Variants in ZFR observed in about 807,000 individuals in gnomAD.
ZFR encodes zinc finger RNA-binding protein.
In ZFR, 19 loss-of-function variants were observed where a neutral mutation model predicts 130.7. The ratio of observed to expected loss-of-function variants is 0.15; its 90% CI spans 0.10 to 0.21. The LOEUF is 0.21. Ranked by LOEUF, ZFR falls within the 10% of genes least tolerant of loss-of-function variation. The probability of loss-of-function intolerance (pLI) is 1.00; values close to 1 mark genes in which losing one functional copy is unlikely to be tolerated. For missense variants in ZFR, 872 were observed against 1,321.5 expected (o/e 0.66, Z 5.27); for synonymous variants, 466 against 456.9 (o/e 1.02, Z -0.25).
chr5:32,375,519 A>T (rs538740849), intron 17 of ZFR, among the ~76,000 whole-genome samples: 1 of 151,790 alleles, frequency 6.6e-6, no homozygotes, highest in East Asian at 1.9e-4. Context: ...TGTCTCAAAG[A>T]AAAAAAAAGA....
chr5:32,368,186 T>C (rs551701062), intron 17 of ZFR, among the ~76,000 whole-genome samples: 43 of 152,050 alleles, frequency 2.8e-4, no homozygotes, highest in African/African-American at 1.0e-3. Flanking sequence ...CTGGTGGGAG[T>C]GTAAACCAGT....
intron 5 of ZFR, among the ~76,000 whole-genome samples, chr5:32,407,927 T>C (rs1753611536): frequency 6.6e-6 from 1 of 152,076 alleles, no homozygotes; most frequent in Non-Finnish European, 1.5e-5. Flanking sequence ...CACAGCCTTG[T>C]ATCTGTTTTC....
In ZFR at chr5:32,379,168, T is replaced by C. The variant is rs761008828; in HGVS notation, c.2782A>G (p.Ile928Val). The C allele has an allele frequency of 4.3e-6, 7 of 1,614,004 alleles. No individual in the cohort carries two copies. The South Asian group carries it at 6.6e-5, about 15-fold the overall frequency. Residue 928 changes from isoleucine (I) to valine (V), a missense_variant, in exon 17 of 20, where the codon ATT becomes GTT. Around this residue, in one of 7 missense-constraint regions of ZFR, gnomAD observed 158 missense variants for 264.0 expected, o/e 0.60. Transcript: ENST00000265069. Reference sequence around the variant, plus strand: ...ACTCGCTGACAGAGGTCTCGAAGAATGCGTATGATAATCACACAGGACTGC... The same window carrying C: ...ACTCGCTGACAGAGGTCTCGAAGAACGCGTATGATAATCACACAGGACTGC... ...GLQSCVIIIR[I>V]LRDLCQRVPT... is the part of the protein sequence containing the mutation.
At position 32,364,197 on chromosome 5, in the gene ZFR, A is replaced by C. The variant is rs1297407604; in HGVS notation, c.2914T>G (p.Phe972Val). The C allele has an allele frequency of 6.2e-7, 1 of 1,612,608 alleles. No homozygotes were observed. The highest frequency in any genetic ancestry group is 8.5e-7 in the Non-Finnish European group (1 of 1,178,812). ...QSPGDALRRV[F>V]ECISSGIILK... Reference sequence around the variant, plus strand: ...ATAATCCCTGAAGAAATGCATTCAAAAACTCTTCTCAGTGCATCCCCAGGG... The same window carrying C: ...ATAATCCCTGAAGAAATGCATTCAACAACTCTTCTCAGTGCATCCCCAGGG... Residue 972 changes from phenylalanine (F) to valine (V), a missense_variant, in exon 18 of 20, where the codon TTT (phenylalanine) becomes GTT (valine). Physicochemically the swap from Phe to Val is conservative, Grantham distance 50 (BLOSUM62 -1). This residue lies in a region of ZFR where 158 missense variants were observed against 264.0 expected (regional missense o/e 0.60). Coordinates refer to ENST00000265069, the MANE Select transcript of ZFR (RefSeq NM_016107.5).
At chr5:32,398,937 T>C (rs1391603492) in intron 9 of ZFR, among the ~76,000 whole-genome samples, 1 of 151,980 alleles carries the variant, frequency 6.6e-6, no homozygotes. Context: ...CATCCATAGA[T>C]AATTTTTCTT....
chr5:32,355,719 G>A lies in ZFR; in HGVS notation c.*41C>T, dbSNP rs758914535. On this transcript the variant is annotated 3_prime_UTR_variant, in exon 20 of 20. Coordinates refer to ENST00000265069, the MANE Select transcript of ZFR (RefSeq NM_016107.5). ...TATGAATGAAAAACAGCCAACAAAT[G>A]GGCATCTGTTTTTTTAACACTGAAG... The A allele has an allele frequency of 3.4e-6, 5 of 1,487,842 alleles. No homozygotes were observed. Among genetic ancestry groups the A allele is most frequent in the South Asian group, 1.4e-5 (1 of 72,934 alleles). 92.2% of individuals were successfully genotyped at this position (1,487,842 alleles called of 1,614,324 possible).
intron 11 of ZFR, among the ~76,000 whole-genome samples, chr5:32,392,210 G>A (rs893294385): frequency 8.5e-5 from 13 of 152,260 alleles, no homozygotes; most frequent in African/African-American, 2.6e-4. Flanking sequence ...TCAAATAAGG[G>A]CAGGGACCTT....
intron 17 of ZFR, among the ~76,000 whole-genome samples, chr5:32,377,160 A>AC (rs759472056): frequency 1.1e-4 from 2 of 17,614 alleles, no homozygotes; most frequent in Non-Finnish European, 2.4e-4. Flanking sequence ...CATCTGAAAA[A>AC]AAAAAAAAAA....
Position 32,373,079 on chromosome 5 carries a change from C to T in ZFR, c.2835+6036G>A, listed in dbSNP as rs888336052. On this transcript the variant is annotated intron_variant, in intron 17 of 19. Transcript: ENST00000265069. Reference sequence around the variant, plus strand: ...ATTATTTACCAAAACAAAAGTAACCCTCCTTCAACTGTGCAGAATATAAAA... The same window carrying T: ...ATTATTTACCAAAACAAAAGTAACCTTCCTTCAACTGTGCAGAATATAAAA... Among the ~76,000 whole-genome samples the T allele has an allele frequency of 5.3e-5, 8 of 152,156 alleles. No individual in the cohort carries two copies. In the East Asian group the frequency reaches 1.5e-3, roughly 29 times the overall value.
Position 32,406,978 on chromosome 5 carries a change from T to C in ZFR, c.828A>G (p.Ala276=), listed in dbSNP as rs1753592907. 4.4e-6 allele frequency: 7 copies of C among 1,580,278 alleles called. No homozygotes were observed. The highest frequency in any genetic ancestry group is 6.0e-6 in the Non-Finnish European group (7 of 1,169,918). Residue 276 remains alanine, a synonymous_variant, in exon 6 of 20, where the codon GCA becomes GCG. Coordinates refer to ENST00000265069, the MANE Select transcript of ZFR (RefSeq NM_016107.5). ...GCTGCTGCTGTTGATAGTAGGAAGATGCAGCTGAATACACTGCTGCTTCAT... is the reference window on the plus strand; with the variant it reads ...GCTGCTGCTGTTGATAGTAGGAAGACGCAGCTGAATACACTGCTGCTTCAT... The part of the protein sequence containing the change: ...SGYEAAVYSA[A]SSYYQQQQQQ...
intron 2 of ZFR, among the ~76,000 whole-genome samples, chr5:32,442,271 T>C (rs967293144): frequency 2.0e-5 from 3 of 152,206 alleles, no homozygotes; most frequent in Non-Finnish European, 2.9e-5. Context: ...TACTAGTAAT[T>C]GCCAGCAGAT....
intron 2 of ZFR, among the ~76,000 whole-genome samples, chr5:32,436,094 T>A (rs1314784370): frequency 6.6e-6 from 1 of 151,938 alleles, no homozygotes. Flanking sequence ...ACAGTATTTC[T>A]TTCTTTCCCT....
At chr5:32,427,907 T>A (rs1381900596) in intron 2 of ZFR, among the ~76,000 whole-genome samples, 1 of 152,052 alleles carries the variant, frequency 6.6e-6, no homozygotes, top group Non-Finnish European at 1.5e-5. Flanking sequence ...AAACTGGATA[T>A]CCACACGAAA....
chr5:32,382,965 C>T (rs1468843098), intron 15 of ZFR, among the ~76,000 whole-genome samples: 1 of 152,086 alleles, frequency 6.6e-6, no homozygotes, highest in African/African-American at 2.4e-5. Context: ...AAACAAAATG[C>T]TAATTCTTAT....
intron 17 of ZFR, among the ~76,000 whole-genome samples, chr5:32,377,760 C>G (rs1444282938): frequency 1.3e-5 from 2 of 152,108 alleles, no homozygotes; most frequent in Non-Finnish European, 2.9e-5. Flanking sequence ...AATCTCGGCT[C>G]ACTGCAACCT....
At position 32,444,294 on chromosome 5, in the gene ZFR, C is replaced by T; in HGVS notation, c.72G>A (p.Ala24=). 1 of 1,549,346 alleles carries T rather than the reference C, an allele frequency of 6.5e-7. No individual in the cohort carries two copies. Among genetic ancestry groups the T allele is most frequent in the Non-Finnish European group, 8.7e-7 (1 of 1,147,384 alleles). ...PSRLGEDAKM[A]TGNYFGFTHS... ...GGGTGAATCCAAAGTAGTTGCCGGT[C>T]GCCATTTTGGCATCTTCCCCCAGCC... Residue 24 remains alanine, a synonymous_variant, in exon 2 of 20, where the codon GCG becomes GCA. Coordinates refer to ENST00000265069, the MANE Select transcript of ZFR (RefSeq NM_016107.5).
At chr5:32,359,794 C>T (rs1169028791) in intron 19 of ZFR, among the ~76,000 whole-genome samples, 1 of 152,032 alleles carries the variant, frequency 6.6e-6, no homozygotes, top group Non-Finnish European at 1.5e-5. Context: ...ACTAAAAATA[C>T]AAAAAGTAGC....
Position 32,406,845 on chromosome 5 carries a change from G to A in ZFR, c.961C>T (p.Pro321Ser). 1 of 1,614,036 alleles carries A rather than the reference G, an allele frequency of 6.2e-7. No homozygotes were observed. The highest frequency in any genetic ancestry group is 8.5e-7 in the Non-Finnish European group (1 of 1,179,986). ...KAPFQNKQLKPKQPPKPPQIH... is the reference protein window; with the variant it reads ...KAPFQNKQLKSKQPPKPPQIH... ...TGTGGTGGTTTGGGAGGCTGTTTTG[G>A]TTTCAGTTGTTTATTTTGGAATGGT... The change falls in exon 6 of 20, where the codon CCA becomes TCA. Residue 321 changes from proline to serine, a missense_variant. Transcript: ENST00000265069.
intron 17 of ZFR, among the ~76,000 whole-genome samples, chr5:32,366,413 A>G (rs1752546417): frequency 6.6e-6 from 1 of 152,202 alleles, no homozygotes; most frequent in Non-Finnish European, 1.5e-5. Flanking sequence ...CTGTTTATTG[A>G]TTGGCTTTAA....
Sources: gnomAD v4.1 joint callset for allele counts (sites outside exome capture counted in the v4.1 genomes callset) on GRCh38, gnomAD v4.1.1 for gene constraint, gnomAD v4.1.1 regional missense constraint, MANE v1.5 for transcripts, NCBI Gene and HGNC (gene_info 2026-07-23, HGNC 2026-07-21) for gene names.